The following CCL28 variants were observed in gnomAD, a reference collection of about 807,000 sequenced individuals.
CCL28 encodes the protein C-C motif chemokine ligand 28, also known as C-C motif chemokine 28.
CCL28 carries 4 observed loss-of-function variants against 7.1 expected under a neutral mutation model. The observed-to-expected ratio is 0.56, with a 90% CI of 0.28 to 1.29. The LOEUF is 1.29. CCL28 is among the 50% of genes most tolerant of loss of function. The probability of loss-of-function intolerance (pLI) is 0.11; values close to 1 mark genes in which losing one functional copy is unlikely to be tolerated. For synonymous variants in CCL28, 55 were observed against 57.8 expected (o/e 0.95, Z 0.22); for missense variants, 151 against 163.4 (o/e 0.92, Z 0.41).
At chr5:43,368,825 C>T in the CCL28 span, among the ~76,000 whole-genome samples, 5 of 152,064 alleles carry the variant, frequency 3.3e-5, no homozygotes, top group Admixed American at 6.6e-5. Context: ...CAGAACCCTC[C>T]TTCACAGCCC....
chr5:43,368,938 A>T, the CCL28 span, among the ~76,000 whole-genome samples: 3 of 145,144 alleles, frequency 2.1e-5, no homozygotes, highest in African/African-American at 7.5e-5. Flanking sequence ...GTACTTTGTT[A>T]TGGCAACCCT....
chr5:43,403,836 C>T (rs188304706), intron 1 of CCL28, among the ~76,000 whole-genome samples: 13 of 152,280 alleles, frequency 8.5e-5, no homozygotes, highest in Admixed American at 8.5e-4. Flanking sequence ...GAGCTGAAAA[C>T]CACAGCACGA....
chr5:43,364,883 G>T, the CCL28 span, among the ~76,000 whole-genome samples: 1 of 151,802 alleles, frequency 6.6e-6, no homozygotes, highest in Non-Finnish European at 1.5e-5. Context: ...TGCAACCCCT[G>T]CTTTTTTTGT....
At chr5:43,410,869 T>C (rs1741509719) in intron 1 of CCL28, among the ~76,000 whole-genome samples, 1 of 152,180 alleles carries the variant, frequency 6.6e-6, no homozygotes, top group South Asian at 2.1e-4. Flanking sequence ...TACAGAAACA[T>C]AAAGTGACAA....
chr5:43,358,526 G>A, the CCL28 span, among the ~76,000 whole-genome samples: 6 of 152,268 alleles, frequency 3.9e-5, no homozygotes, highest in South Asian at 1.2e-3. Context: ...CCGTTTGGTG[G>A]AGTGGAACTT....
chr5:43,389,195 T>C (rs1441802130), intron 1 of CCL28, among the ~76,000 whole-genome samples: 1 of 152,198 alleles, frequency 6.6e-6, no homozygotes, highest in East Asian at 1.9e-4. Flanking sequence ...TTTGGAGTGA[T>C]GAAAATGTGC....
At chr5:43,364,554 T>C in the CCL28 span, among the ~76,000 whole-genome samples, 1 of 152,168 alleles carries the variant, frequency 6.6e-6, no homozygotes, top group African/African-American at 2.4e-5. Flanking sequence ...GGCAGCCTTA[T>C]GGTATATTAA....
intron 1 of CCL28, among the ~76,000 whole-genome samples, chr5:43,405,112 AC>A (rs1173275530): frequency 1.4e-5 from 2 of 143,864 alleles, no homozygotes; most frequent in African/African-American, 5.9e-5. Context: ...CAGAAAGTTA[AC>A]AAAGATATCC....
At chr5:43,388,503 T>G (rs367712612) in intron 1 of CCL28, 27 bp from the exon 2 acceptor site, 12 of 1,609,588 alleles carry the variant, frequency 7.5e-6, no homozygotes, top group Non-Finnish European at 1.0e-5. Context: ...AAGAAAATGT[T>G]AAATTTTACG....
chr5:43,388,486 GA>G lies in CCL28; in HGVS notation c.65-11del. On this transcript the variant is annotated splice_polypyrimidine_tract_variant and intron_variant, in intron 1 of 2. Transcript: ENST00000361115. Reference sequence around the variant, plus strand: ...GCAATGGGAAGTATGGCTAAAAGAAGAAAAGAAAGAAAATGTTAAATTTTAC... The same window carrying G: ...GCAATGGGAAGTATGGCTAAAAGAAGAAAGAAAGAAAATGTTAAATTTTAC... 1 of 1,611,984 alleles carries G rather than the reference GA, an allele frequency of 6.2e-7. No homozygotes were observed. The highest frequency in any genetic ancestry group is 8.5e-7 in the Non-Finnish European group (1 of 1,179,452).
intron 2 of CCL28, among the ~76,000 whole-genome samples, chr5:43,385,287 G>A (rs539401910): frequency 6.6e-6 from 1 of 152,302 alleles, no homozygotes; most frequent in South Asian, 2.1e-4. Flanking sequence ...CAAGAAAACT[G>A]CTGTCTCAGG....
At chr5:43,412,070 C>T (rs894696457) in intron 1 of CCL28, among the ~76,000 whole-genome samples, 183 bp downstream of exon 1, 1 of 152,190 alleles carries the variant, frequency 6.6e-6, no homozygotes, top group Non-Finnish European at 1.5e-5. Flanking sequence ...GAGGTTCCTT[C>T]CTGAAACTTC....
At chr5:43,391,914 T>C (rs1740587916) in intron 1 of CCL28, among the ~76,000 whole-genome samples, 1 of 152,206 alleles carries the variant, frequency 6.6e-6, no homozygotes, top group South Asian at 2.1e-4. Context: ...TTTGAATACA[T>C]ACATTCTGGC....
At chr5:43,360,942 C>T in the CCL28 span, among the ~76,000 whole-genome samples, 2,711 of 152,168 alleles carry the variant, frequency 0.018, 76 homozygotes, top group African/African-American at 0.062. Context: ...GGTATTAAGC[C>T]CAGCATCCAT....
chr5:43,383,020 T>C (rs1018882024), intron 2 of CCL28, among the ~76,000 whole-genome samples: 4 of 152,066 alleles, frequency 2.6e-5, no homozygotes, highest in Admixed American at 1.3e-4. Flanking sequence ...GGTTTTACCA[T>C]GTTGGCCAGG....
the CCL28 span, among the ~76,000 whole-genome samples, chr5:43,370,768 G>A: frequency 6.9e-6 from 1 of 145,154 alleles, no homozygotes; most frequent in Admixed American, 6.9e-5. Flanking sequence ...TTGAGACAGA[G>A]TCTTGCTTTG....
At chr5:43,372,995 T>A (rs1438834350), downstream of CCL28, among the ~76,000 whole-genome samples, 2 of 151,638 alleles carry the variant, frequency 1.3e-5, no homozygotes, top group African/African-American at 4.8e-5. Context: ...AAGATGGGGT[T>A]TCGCCATGTT....
chr5:43,368,291 A>G, the CCL28 span, among the ~76,000 whole-genome samples: 14 of 152,224 alleles, frequency 9.2e-5, no homozygotes, highest in Admixed American at 2.0e-4. Flanking sequence ...TTTGCAAACT[A>G]TAATGTATCT....
downstream of CCL28, among the ~76,000 whole-genome samples, chr5:43,378,474 A>G (rs922779209): frequency 6.6e-5 from 10 of 152,284 alleles, no homozygotes; most frequent in African/African-American, 2.4e-4. Context: ...GCACACCTAT[A>G]TTACTTCAAT....
Sources: allele counts gnomAD v4.1 joint callset (sites outside exome capture counted in the v4.1 genomes callset), GRCh38; gene constraint gnomAD v4.1.1; transcripts MANE v1.5; gene names NCBI Gene and HGNC (gene_info 2026-07-23, HGNC 2026-07-21).